The following PRKCE variants were observed in gnomAD, a reference collection of about 807,000 sequenced individuals.
PRKCE encodes protein kinase C epsilon.
PRKCE carries 16 observed loss-of-function variants against 85.4 expected under a neutral mutation model. That is an observed-to-expected ratio of 0.19 (90% CI 0.13 to 0.28). The LOEUF (loss-of-function observed/expected upper bound fraction) is 0.28, where lower values mean the gene tolerates loss of function less well. PRKCE is among the 10% of genes least tolerant of loss of function. PRKCE has a pLI of 1.00. For synonymous variants in PRKCE, 388 were observed against 371.5 expected (o/e 1.04, Z -0.51); for missense variants, 573 against 975.2 (o/e 0.59, Z 5.49).
intron 1 of PRKCE, among the ~76,000 whole-genome samples, chr2:45,679,110 GGATCCGAAGCCA>G (rs1366587601): frequency 1.3e-5 from 2 of 152,058 alleles, no homozygotes; most frequent in African/African-American, 4.8e-5. Flanking sequence ...CCCTTCTTTT[GGATCCGAAGCCA>G]GTCATGGAAA....
chr2:45,892,682 G>A (rs1004962842), intron 2 of PRKCE, among the ~76,000 whole-genome samples: 3 of 152,160 alleles, frequency 2.0e-5, no homozygotes, highest in South Asian at 2.1e-4. Context: ...AGCAAATGTA[G>A]CATCGTTTGC....
intron 2 of PRKCE, among the ~76,000 whole-genome samples, chr2:45,959,705 G>A (rs928498161): frequency 8.5e-5 from 13 of 152,144 alleles, no homozygotes; most frequent in Admixed American, 8.5e-4. Context: ...AGAGGTTAAT[G>A]CCTGTGTGAT....
At chr2:46,075,184 G>C (rs191710364) in intron 10 of PRKCE, among the ~76,000 whole-genome samples, 1 of 152,030 alleles carries the variant, frequency 6.6e-6, no homozygotes, top group Admixed American at 6.5e-5. Context: ...GGGACTGTAG[G>C]CACGCACCAC....
At chr2:46,016,308 C>T (rs945355714) in intron 10 of PRKCE, among the ~76,000 whole-genome samples, 12 of 151,980 alleles carry the variant, frequency 7.9e-5, no homozygotes, top group African/African-American at 1.7e-4. Context: ...AAGGAATGCA[C>T]GGGTGTATGT....
intron 1 of PRKCE, among the ~76,000 whole-genome samples, chr2:45,687,551 C>G (rs1040773133): frequency 6.6e-6 from 1 of 152,116 alleles, no homozygotes; most frequent in African/African-American, 2.4e-5. Context: ...CTCAGTAATT[C>G]CACTTCCAGA....
In PRKCE at chr2:45,935,829, G is replaced by A. The variant is rs549686955; in HGVS notation, c.413-40600G>A. On this transcript the variant is annotated intron_variant, in intron 2 of 14. Coordinates refer to ENST00000306156, the MANE Select transcript of PRKCE (RefSeq NM_005400.3). ...AGCTTAGCTGAATTCTTGATAGAAG[G>A]TGGTGACTTAGATGCCTTCTCTTCT... 2.6e-4 allele frequency among the ~76,000 whole-genome samples: 40 copies of A among 152,072 alleles called. No individual in the cohort carries two copies. In the South Asian group the frequency reaches 8.1e-3, roughly 31 times the overall value.
chr2:45,785,631 G>A (rs1009662399), intron 1 of PRKCE, among the ~76,000 whole-genome samples: 1 of 152,204 alleles, frequency 6.6e-6, no homozygotes, highest in African/African-American at 2.4e-5. Context: ...GATGGATGAG[G>A]ACTCTTGCTG....
intron 1 of PRKCE, among the ~76,000 whole-genome samples, chr2:45,796,214 C>T (rs1320199567): frequency 6.6e-6 from 1 of 152,144 alleles, no homozygotes; most frequent in Non-Finnish European, 1.5e-5. Context: ...ACAAAATGTC[C>T]AGGTGTCGTT....
At chr2:45,773,397 C>G (rs1358668616) in intron 1 of PRKCE, among the ~76,000 whole-genome samples, 1 of 152,214 alleles carries the variant, frequency 6.6e-6, no homozygotes, top group Non-Finnish European at 1.5e-5. Context: ...AAGCACTTGA[C>G]AGACATCAAC....
At chr2:46,075,151 C>A (rs983840072) in intron 10 of PRKCE, among the ~76,000 whole-genome samples, 30 of 152,246 alleles carry the variant, frequency 2.0e-4, no homozygotes, top group African/African-American at 7.2e-4. Flanking sequence ...CGCCGTTCTC[C>A]TGCCTGAGCC....
chr2:46,093,205 A>C (rs2103976806), intron 11 of PRKCE, among the ~76,000 whole-genome samples: 1 of 152,334 alleles, frequency 6.6e-6, no homozygotes, highest in East Asian at 1.9e-4. Flanking sequence ...AGAAATGATG[A>C]GTTAAATCAG....
At chr2:45,667,508 G>A (rs962174101) in intron 1 of PRKCE, among the ~76,000 whole-genome samples, 2 of 151,848 alleles carry the variant, frequency 1.3e-5, no homozygotes, top group African/African-American at 4.8e-5. Context: ...ACTTCCTTTG[G>A]GTATTTGCAC....
chr2:46,158,063 T>A (rs1053211184), intron 13 of PRKCE, among the ~76,000 whole-genome samples: 1 of 152,198 alleles, frequency 6.6e-6, no homozygotes, highest in Non-Finnish European at 1.5e-5. Context: ...TCATCACAAT[T>A]TGCTGAGTGT....
In PRKCE at chr2:46,185,042, C is replaced by A; in HGVS notation, c.*161C>A. On this transcript the variant is annotated 3_prime_UTR_variant, in exon 15 of 15. Coordinates refer to ENST00000306156, the MANE Select transcript of PRKCE (RefSeq NM_005400.3). The surrounding 1 kb of genome is among the most constrained non-coding windows in gnomAD (Gnocchi z 4.7). Reference sequence around the variant, plus strand: ...GCATTCCCTTGCCCCAGGCCACCTCCTCCCCCTCCCACCTGGTGACCAGAA... The same window carrying A: ...GCATTCCCTTGCCCCAGGCCACCTCATCCCCCTCCCACCTGGTGACCAGAA... The A allele has an allele frequency of 1.0e-6, 1 of 958,694 alleles. No individual in the cohort carries two copies. Among genetic ancestry groups the A allele is most frequent in the Non-Finnish European group, 1.5e-6 (1 of 659,696 alleles). The allele number at this position is 958,694 out of a possible 1,614,324, so 59.4% of individuals were successfully genotyped here.
chr2:45,683,747 G>A lies in PRKCE; in HGVS notation c.348+31299G>A, dbSNP rs553516982. Among the ~76,000 whole-genome samples, 270 of 152,254 alleles carry A rather than the reference G, an allele frequency of 1.8e-3. 1 individual carries two copies. Among genetic ancestry groups the A allele is most frequent in the Non-Finnish European group, 2.9e-3 (199 of 67,996 alleles). ...GATGACAAAAGATAAAATATAACAA[G>A]ATAAACGGTCCCAGGCAGTCTTGTG... is the stretch of plus-strand genomic sequence containing the variant. On this transcript the variant is annotated intron_variant, in intron 1 of 14. Coordinates refer to ENST00000306156, the MANE Select transcript of PRKCE (RefSeq NM_005400.3).
At position 46,123,863 on chromosome 2, in the gene PRKCE, G is replaced by T. The variant is rs188456246; in HGVS notation, c.1593-21230G>T. On this transcript the variant is annotated intron_variant, in intron 11 of 14. Coordinates refer to ENST00000306156, the MANE Select transcript of PRKCE (RefSeq NM_005400.3). ...GGATTTGTACCATTCCAACTGCAAA[G>T]AAATAAAGTTGCCTACAATGAATGA... is the stretch of plus-strand genomic sequence containing the variant. Among the ~76,000 whole-genome samples, 5 of 152,330 alleles carry T rather than the reference G, an allele frequency of 3.3e-5. No individual in the cohort carries two copies. In the East Asian group the frequency reaches 9.6e-4, roughly 29 times the overall value.
At chr2:45,726,142 C>A (rs1046214791) in intron 1 of PRKCE, among the ~76,000 whole-genome samples, 10 of 152,138 alleles carry the variant, frequency 6.6e-5, no homozygotes, top group Admixed American at 3.9e-4. Flanking sequence ...AGAATCTATT[C>A]CTGGTGAAGA....
chr2:45,672,840 C>T (rs943602279), intron 1 of PRKCE, among the ~76,000 whole-genome samples: 11 of 152,144 alleles, frequency 7.2e-5, no homozygotes, highest in South Asian at 6.2e-4. Context: ...GCCTGGGCAA[C>T]GTAGTAAGAG....
chr2:45,975,475 G>A (rs1558907312), intron 2 of PRKCE, among the ~76,000 whole-genome samples: 1 of 152,024 alleles, frequency 6.6e-6, no homozygotes, highest in Non-Finnish European at 1.5e-5. Flanking sequence ...CACTCACTCA[G>A]GTCTCTTCCT....
Sources: allele counts gnomAD v4.1 joint callset (sites outside exome capture counted in the v4.1 genomes callset), GRCh38; gene constraint gnomAD v4.1.1; non-coding constraint Gnocchi (gnomAD v3.1); transcripts MANE v1.5; gene names NCBI Gene and HGNC (gene_info 2026-07-23, HGNC 2026-07-21).